Variants in CT55 observed in about 807,000 individuals in gnomAD.
CT55 encodes the protein cancer/testis antigen 55.
A neutral mutation model predicts 12.6 loss-of-function variants in CT55; 1 was observed. The ratio of observed to expected loss-of-function variants is 0.08; its 90% CI spans 0.03 to 0.38. CT55 has a LOEUF of 0.38. CT55 is among the 10% of genes least tolerant of loss of function. CT55 has a pLI of 0.99. For synonymous variants in CT55, 43 were observed against 49.7 expected, an observed-to-expected ratio of 0.87 and a Z score of 0.57; for missense variants, 109 against 135.4, an observed-to-expected ratio of 0.80 and a Z score of 0.97.
chrX:135,167,647 C>G (rs2083591853), intron 2 of CT55, among the ~76,000 whole-genome samples: 1 of 108,989 alleles, frequency 9.2e-6, no homozygotes, highest in Non-Finnish European at 1.9e-5. Context: ...AGGAAACAAT[C>G]AAAGAGTGGA....
chrX:135,158,450 C>A (rs782419103), intron 3 of CT55, 139 bp from the exon 4 acceptor site: 9 of 408,881 alleles, frequency 2.2e-5, no homozygotes, highest in Non-Finnish European at 3.8e-5. Flanking sequence ...TTTAAACAGA[C>A]ACTACAAATC....
rs1344503664 is a variant in CT55 at position 135,170,974 on chromosome X, C to G, written c.94+104G>C. ...CACGCACAAGATGGAGCCACCGTCA[C>G]GTGCAGTACCCACCCGAGTTACAAC... On this transcript the variant is annotated intron_variant, in intron 1 of 5. Coordinates refer to ENST00000276241, the MANE Select transcript of CT55 (RefSeq NM_001031705.3). 3.6e-6 allele frequency: 4 copies of G among 1,114,057 alleles called. No individual in the cohort carries two copies. In the African/African-American group the frequency reaches 5.5e-5, roughly 15 times the overall value. 91.8% of individuals were successfully genotyped at this position (1,114,057 alleles called of 1,213,427 possible). A position where few individuals can be genotyped will look rare whatever the true frequency, so the allele number is the denominator to read the frequency against.
intron 2 of CT55, among the ~76,000 whole-genome samples, chrX:135,166,761 T>C (rs2083587093): frequency 9.0e-6 from 1 of 111,691 alleles, no homozygotes; most frequent in Non-Finnish European, 1.9e-5. Context: ...GAAAGTGGCA[T>C]GAGACACAAC....
chrX:135,163,643 A>C (rs1556405529), intron 2 of CT55, among the ~76,000 whole-genome samples: 1 of 111,893 alleles, frequency 8.9e-6, no homozygotes, highest in Non-Finnish European at 1.9e-5. Context: ...AGATCATTTA[A>C]AAAATAATAA....
intron 2 of CT55, among the ~76,000 whole-genome samples, chrX:135,161,452 A>T (rs148340683): frequency 0.014 from 1,553 of 112,235 alleles, 31 homozygotes; most frequent in African/African-American, 0.048. Context: ...ATACATGTGT[A>T]AATGCCTGTT....
intron 2 of CT55, 128 bp from the exon 3 acceptor site, chrX:135,160,683 C>T: frequency 1.3e-6 from 1 of 748,985 alleles, no homozygotes; most frequent in East Asian, 3.9e-5. Flanking sequence ...ATATAGTTCA[C>T]TTGGTAAGTG....
intron 2 of CT55, 44 bp downstream of exon 2, chrX:135,169,550 C>T: frequency 9.7e-7 from 1 of 1,032,502 alleles, no homozygotes; most frequent in Non-Finnish European, 1.3e-6. Flanking sequence ...AGAAAGAAAG[C>T]CCACTGGGAT....
rs782212230 is a variant in CT55 at position 135,171,135 on chromosome X, C to T, written c.37G>A (p.Gly13Arg). 1.7e-5 allele frequency: 20 copies of T among 1,211,597 alleles called. No individual in the cohort carries two copies. In the South Asian group the frequency reaches 1.9e-4, roughly 12 times the overall value. Reference protein sequence around the residue: ...RLLRLALAFYGRTADPAERQG... With the variant: ...RLLRLALAFYRRTADPAERQG... Reference sequence around the variant, plus strand: ...CGCTCTGCAGGGTCGGCCGTCCTCCCGTAGAAGGCCAAAGCAAGTCTCAGA... The same window carrying T: ...CGCTCTGCAGGGTCGGCCGTCCTCCTGTAGAAGGCCAAAGCAAGTCTCAGA... Residue 13 changes from glycine (G) to arginine (R), a missense_variant, in exon 1 of 6, where the codon GGG (glycine) becomes AGG (arginine). Physicochemically the swap from Gly to Arg is moderately radical, Grantham distance 125. Transcript: ENST00000276241.
rs3813155 is a variant in CT55, at chrX:135,160,400, A to G, written c.424+11T>C. 82,453 of 1,146,375 alleles carry G rather than the reference A, an allele frequency of 0.072. 5,615 individuals are homozygous for G. Among genetic ancestry groups the G allele is most frequent in the African/African-American group, 0.45 (24,048 of 53,295 alleles). 94.5% of individuals were successfully genotyped at this position (1,146,375 alleles called of 1,213,427 possible). ...AGAATTACATCATATATTTCAAAAT[A>G]TAAATCATACCTTCAGAAACAATGG... On this transcript the variant is annotated intron_variant, in intron 3 of 5. Transcript: ENST00000276241.
intron 3 of CT55, among the ~76,000 whole-genome samples, chrX:135,159,685 C>G (rs1162352718): frequency 9.0e-6 from 1 of 111,426 alleles, no homozygotes; most frequent in Non-Finnish European, 1.9e-5. Flanking sequence ...CACCCTTCCC[C>G]TCATAGTCTC....
At chrX:135,170,487 T>C (rs1211312712) in intron 1 of CT55, among the ~76,000 whole-genome samples, 4 of 111,768 alleles carry the variant, frequency 3.6e-5, no homozygotes, top group Non-Finnish European at 7.5e-5. Flanking sequence ...TACTTAACCA[T>C]CTCAGCAGAC....
upstream of CT55, among the ~76,000 whole-genome samples, chrX:135,171,756 G>A (rs2083613019): frequency 1.8e-5 from 2 of 111,669 alleles, no homozygotes; most frequent in South Asian, 7.6e-4. Context: ...TCAATTTTGT[G>A]GAGAGAGGGC....
chrX:135,166,469 G>C (rs2083585757), intron 2 of CT55, among the ~76,000 whole-genome samples: 1 of 111,452 alleles, frequency 9.0e-6, no homozygotes, highest in South Asian at 3.8e-4. Context: ...ACACAATAAA[G>C]GTCATATATG....
In CT55 at chrX:135,171,066, A is replaced by T; in HGVS notation, c.94+12T>A. 8.3e-7 allele frequency: 1 copy of T among 1,210,093 alleles called. No homozygotes were observed. The highest frequency in any genetic ancestry group is 3.0e-5 in the East Asian group (1 of 33,775). On this transcript the variant is annotated intron_variant, in intron 1 of 5. Coordinates refer to ENST00000276241, the MANE Select transcript of CT55 (RefSeq NM_001031705.3). The stretch of plus-strand genomic sequence containing the variant: ...TCTGGGGTGGGGGACAAGGGGACAC[A>T]CAGAGGAATACCTTGTGGGAGGCCC...
chrX:135,162,044 A>G (rs1386032347), intron 2 of CT55, among the ~76,000 whole-genome samples: 7 of 112,628 alleles, frequency 6.2e-5, no homozygotes, highest in Admixed American at 2.8e-4. Context: ...GACGACCAAC[A>G]CAACAGCCGG....
Position 135,171,234 on chromosome X carries a change from A to C in CT55, c.-63T>G, listed in dbSNP as rs1556406793. 1 of 1,197,243 alleles carries C rather than the reference A, an allele frequency of 8.4e-7. No homozygotes were observed. Among genetic ancestry groups the C allele is most frequent in the Non-Finnish European group, 1.1e-6 (1 of 887,706 alleles). Reference sequence around the variant, plus strand: ...GGCAGATGAAGCACGAGGCCTCCTCAGTAAGGGAAGCCCTCAGGTCACGGC... The same window carrying C: ...GGCAGATGAAGCACGAGGCCTCCTCCGTAAGGGAAGCCCTCAGGTCACGGC... On this transcript the variant is annotated 5_prime_UTR_variant, in exon 1 of 6. Coordinates refer to ENST00000276241, the MANE Select transcript of CT55 (RefSeq NM_001031705.3).
At chrX:135,168,740 C>T (rs1252539808) in intron 2 of CT55, among the ~76,000 whole-genome samples, 23 of 111,495 alleles carry the variant, frequency 2.1e-4, no homozygotes, top group African/African-American at 7.5e-4. Context: ...TGACTTATAT[C>T]TCAATAATGC....
rs182551795 is a variant in CT55 at position 135,166,106 on chromosome X, G to A, written c.279+3488C>T. 5.1e-3 allele frequency among the ~76,000 whole-genome samples: 463 copies of A among 90,979 alleles called. 3 individuals carry two copies. The highest frequency in any genetic ancestry group is 0.018 in the African/African-American group (434 of 23,644). 79.0% of individuals were successfully genotyped at this position (90,979 alleles called of 115,157 possible). On this transcript the variant is annotated intron_variant, in intron 2 of 5. Transcript: ENST00000276241. The stretch of plus-strand genomic sequence containing the variant: ...ACTTCCGAACTCATTCTGTCACAAC[G>A]CATTACCCTGGTAGAAAACCCAGAT...
At chrX:135,160,320 G>A in intron 3 of CT55, 91 bp downstream of exon 3, 1 of 976,172 alleles carries the variant, frequency 1.0e-6, no homozygotes, top group Non-Finnish European at 1.4e-6. Context: ...GCCATTGACT[G>A]AAGCCAAGTA....
Sources: gnomAD v4.1 joint callset for allele counts (sites outside exome capture counted in the v4.1 genomes callset) on GRCh38, gnomAD v4.1.1 for gene constraint, MANE v1.5 for transcripts, NCBI Gene and HGNC (gene_info 2026-07-23, HGNC 2026-07-21) for gene names.